PDS5B: variants seen among roughly 807,000 people sequenced by gnomAD.
PDS5B encodes the protein sister chromatid cohesion protein PDS5 homolog B.
A neutral mutation model predicts 184.1 loss-of-function variants in PDS5B; 51 were observed. The observed-to-expected ratio is 0.28, with a 90% CI of 0.22 to 0.35. The LOEUF (loss-of-function observed/expected upper bound fraction) is 0.35. Among genes scored for constraint, PDS5B ranks in the 10% least tolerant of loss-of-function variants. The probability of loss-of-function intolerance (pLI) is 1.00; values close to 1 mark genes in which losing one functional copy is unlikely to be tolerated. For missense variants in PDS5B, 1,180 were observed against 1,723.3 expected (o/e 0.68, Z 5.58); for synonymous variants, 566 against 569.2 (o/e 0.99, Z 0.08).
chr13:32,727,101 A>G (rs1180470231), intron 19 of PDS5B, among the ~76,000 whole-genome samples: 3 of 152,218 alleles, frequency 2.0e-5, no homozygotes, highest in South Asian at 2.1e-4. Context: ...TAAAGCTACC[A>G]TCTTGATAGT....
At chr13:32,648,077 C>T (rs1254083416) in intron 1 of PDS5B, among the ~76,000 whole-genome samples, 10 of 152,312 alleles carry the variant, frequency 6.6e-5, no homozygotes, top group African/African-American at 1.9e-4. Flanking sequence ...ATTACCTGTT[C>T]CTTCCCTGTA....
At chr13:32,660,868 G>A (rs765371556) in intron 6 of PDS5B, among the ~76,000 whole-genome samples, 29 of 152,190 alleles carry the variant, frequency 1.9e-4, no homozygotes, top group Non-Finnish European at 3.7e-4. Context: ...CTTTTGCTTA[G>A]TCCATTTAGC....
In PDS5B at chr13:32,776,377, C is replaced by G. The variant is rs1954958266; in HGVS notation, c.*1325C>G. On this transcript the variant is annotated 3_prime_UTR_variant, in exon 35 of 35. Transcript: ENST00000315596. ...AACTTTGAATGAAATTCCACTTTGT[C>G]CAGATTGGGAGAAGTGGAAATTTAT... The G allele has an allele frequency of 6.6e-6, 1 of 152,260 alleles. No homozygotes were observed. The highest frequency in any genetic ancestry group is 2.1e-4 in the South Asian group (1 of 4,818). The allele number at this position is 152,260 out of a possible 1,614,324, so 9.4% of individuals were successfully genotyped here.
intron 9 of PDS5B, among the ~76,000 whole-genome samples, chr13:32,677,940 G>C (rs2140782813): frequency 6.6e-6 from 1 of 152,064 alleles, no homozygotes; most frequent in African/African-American, 2.4e-5. Context: ...ATCAGTGGTT[G>C]AGAGACAGCT....
intron 13 of PDS5B, among the ~76,000 whole-genome samples, chr13:32,693,683 ATATT>A (rs1418372150): frequency 6.7e-6 from 1 of 149,576 alleles, no homozygotes; most frequent in Non-Finnish European, 1.5e-5. Context: ...ATATTATAAT[ATATT>A]AAACGACATT....
intron 20 of PDS5B, among the ~76,000 whole-genome samples, chr13:32,734,330 G>A (rs1284794616): frequency 1.3e-5 from 2 of 151,920 alleles, no homozygotes. Flanking sequence ...GTTAATGCCC[G>A]GCCTTAACAA....
At chr13:32,718,731 G>A (rs567815360) in intron 19 of PDS5B, among the ~76,000 whole-genome samples, 4 of 152,216 alleles carry the variant, frequency 2.6e-5, no homozygotes, top group Non-Finnish European at 4.4e-5. Flanking sequence ...AGAATCAACC[G>A]AAAAACTACT....
At chr13:32,690,285 C>T (rs1405672576) in intron 13 of PDS5B, 1 of 152,204 alleles carries the variant, frequency 6.6e-6, no homozygotes, top group Non-Finnish European at 1.5e-5. Flanking sequence ...CCTACCATGC[C>T]TGGGCAGGGC....
chr13:32,686,687 A>C lies in PDS5B; in HGVS notation c.1204-447A>C, dbSNP rs531055530. Among the ~76,000 whole-genome samples the C allele has an allele frequency of 3.6e-3, 553 of 152,328 alleles. 1 individual carries two copies. The highest frequency in any genetic ancestry group is 5.7e-3 in the Non-Finnish European group (386 of 68,028). On this transcript the variant is annotated intron_variant, in intron 11 of 34. Coordinates refer to ENST00000315596, the MANE Select transcript of PDS5B (RefSeq NM_015032.4). Reference sequence around the variant, plus strand: ...GTAGTCCCAGCTACTCTGGAGGCTGAGGTAGGAGGATTGCTTGAGCCCAGT... The same window carrying C: ...GTAGTCCCAGCTACTCTGGAGGCTGCGGTAGGAGGATTGCTTGAGCCCAGT...
intron 7 of PDS5B, among the ~76,000 whole-genome samples, chr13:32,669,279 T>C (rs1037761766): frequency 1.6e-4 from 24 of 151,272 alleles, no homozygotes; most frequent in African/African-American, 5.8e-4. Flanking sequence ...CCAAGCCAGT[T>C]TTTTTTTTTC....
chr13:32,764,717 T>A, intron 31 of PDS5B, 123 bp downstream of exon 31: 1 of 519,282 alleles, frequency 1.9e-6, no homozygotes, highest in Non-Finnish European at 3.3e-6. Context: ...TTAGTGGTTT[T>A]AACCACAAAC....
chr13:32,668,262 T>C (rs919231535), intron 7 of PDS5B, among the ~76,000 whole-genome samples: 10 of 152,198 alleles, frequency 6.6e-5, no homozygotes, highest in African/African-American at 2.2e-4. Flanking sequence ...GACCTAGAAA[T>C]TGAAGGCAAG....
chr13:32,664,267 A>G (rs1352977764), intron 6 of PDS5B, among the ~76,000 whole-genome samples: 2 of 152,242 alleles, frequency 1.3e-5, no homozygotes, highest in African/African-American at 4.8e-5. Context: ...TGCAGAAAAC[A>G]CAAAATGGTG....
At chr13:32,668,303 T>TGCTTATCTATTGCTATTCCTGG (rs1450044118) in intron 7 of PDS5B, among the ~76,000 whole-genome samples, 2 of 152,194 alleles carry the variant, frequency 1.3e-5, no homozygotes, top group Admixed American at 1.3e-4. Flanking sequence ...TAGTAAAAGT[T>TGCTTATCTATTGCTATTCCTGG]GCTTATCTAT....
chr13:32,692,756 T>C (rs191428559), intron 13 of PDS5B, among the ~76,000 whole-genome samples: 1 of 152,178 alleles, frequency 6.6e-6, no homozygotes, highest in Non-Finnish European at 1.5e-5. Flanking sequence ...AGTATAACTT[T>C]TTTCCCTTTT....
At chr13:32,768,608 C>T (rs1954662139) in intron 31 of PDS5B, among the ~76,000 whole-genome samples, 4 of 151,322 alleles carry the variant, frequency 2.6e-5, no homozygotes. Flanking sequence ...GCCTGGCCAA[C>T]ACGGCAAAAC....
In PDS5B at chr13:32,733,985, A is replaced by AACACACACACACACACACACACACAC. The variant is rs148714647; in HGVS notation, c.2248-1183_2248-1158dup. 4.8e-3 allele frequency among the ~76,000 whole-genome samples: 686 copies of AACACACACACACACACACACACACAC among 142,006 alleles called. 7 individuals carry two copies. Among genetic ancestry groups the AACACACACACACACACACACACACAC allele is most frequent in the African/African-American group, 0.016 (573 of 35,422 alleles). The allele number at this position is 142,006 out of a possible 152,430, so 93.2% of individuals were successfully genotyped here. On this transcript the variant is annotated intron_variant, in intron 20 of 34. Transcript: ENST00000315596. The stretch of plus-strand genomic sequence containing the variant: ...TCACCCTTCTGATTTCAAAAATTAA[A>AACACACACACACACACACACACACAC]ACACACACACACACACACACACACA...
intron 11 of PDS5B, among the ~76,000 whole-genome samples, chr13:32,685,261 C>T (rs1405583408): frequency 2.0e-5 from 3 of 152,096 alleles, no homozygotes; most frequent in Admixed American, 6.5e-5. Flanking sequence ...TTATTTTAAC[C>T]GATAAATTTA....
chr13:32,694,718 T>G (rs565195888), intron 14 of PDS5B, among the ~76,000 whole-genome samples: 1 of 151,996 alleles, frequency 6.6e-6, no homozygotes, highest in African/African-American at 2.4e-5. Flanking sequence ...GTTAGGTATC[T>G]TGATGTTTTT....
Sources: gnomAD v4.1 joint callset for allele counts (sites outside exome capture counted in the v4.1 genomes callset) on GRCh38, gnomAD v4.1.1 for gene constraint, MANE v1.5 for transcripts, NCBI Gene and HGNC (gene_info 2026-07-23, HGNC 2026-07-21) for gene names.